RHOQ: variants seen among roughly 807,000 people sequenced by gnomAD.
RHOQ encodes the protein rho-related GTP-binding protein RhoQ.
RHOQ carries 7 observed loss-of-function variants against 25.8 expected under a neutral mutation model. The observed-to-expected ratio is 0.27, with a 90% CI of 0.15 to 0.51. The LOEUF is 0.51. Among genes scored for constraint, RHOQ ranks in the 20% least tolerant of loss-of-function variants. The pLI is 0.97. For synonymous variants in RHOQ, 97 were observed against 98.6 expected, an observed-to-expected ratio of 0.98 and a Z score of 0.10; for missense variants, 165 against 260.6, an observed-to-expected ratio of 0.63 and a Z score of 2.53.
chr2:46,553,638 T>G (rs1350258096), intron 2 of RHOQ, among the ~76,000 whole-genome samples: 2 of 152,228 alleles, frequency 1.3e-5, no homozygotes, highest in East Asian at 3.9e-4. Context: ...TGGAGTGCAG[T>G]GGCACGGTCT....
rs1431537810 is a variant in RHOQ, at chr2:46,569,116, T to C, written c.202-6971T>C. The C allele has an allele frequency of 2.0e-5, 3 of 152,198 alleles. No individual in the cohort carries two copies. Among genetic ancestry groups the C allele is most frequent in the African/African-American group, 7.2e-5 (3 of 41,440 alleles). The allele number at this position is 152,198 out of a possible 1,614,324, so 9.4% of individuals were successfully genotyped here. Reference sequence around the variant, plus strand: ...GAAGAAATAGCACTGGCTCCGAAGTTGTGGTTTGTCTTTTTTTGGAAAGTC... The same window carrying C: ...GAAGAAATAGCACTGGCTCCGAAGTCGTGGTTTGTCTTTTTTTGGAAAGTC... On this transcript the variant is annotated intron_variant, in intron 2 of 4. Coordinates refer to ENST00000238738, the MANE Select transcript of RHOQ (RefSeq NM_012249.4). The surrounding 1 kb of genome is among the most constrained non-coding windows in gnomAD (Gnocchi z 4.1).
At chr2:46,558,866 G>GT (rs1165926916) in intron 2 of RHOQ, among the ~76,000 whole-genome samples, 1 of 152,022 alleles carries the variant, frequency 6.6e-6, no homozygotes, top group African/African-American at 2.4e-5. Flanking sequence ...CTTCTATTCT[G>GT]TTTTTGAAAT....
chr2:46,544,165 G>A (rs1268817224), intron 2 of RHOQ, among the ~76,000 whole-genome samples: 1 of 152,148 alleles, frequency 6.6e-6, no homozygotes, highest in Non-Finnish European at 1.5e-5. Flanking sequence ...CCCCCCCACA[G>A]CCTCTGTCTG....
chr2:46,543,821 C>G lies in RHOQ; in HGVS notation c.201+9C>G, dbSNP rs760994079. ...ATGACACGGCCGGACAGGTGAGTGT[C>G]TTGGCCTCTGGCCGACGCCCCCCTC... is the stretch of plus-strand genomic sequence containing the variant. On this transcript the variant is annotated intron_variant, in intron 2 of 4. Coordinates refer to ENST00000238738, the MANE Select transcript of RHOQ (RefSeq NM_012249.4). 6.2e-7 allele frequency: 1 copy of G among 1,612,342 alleles called. No homozygotes were observed.
At chr2:46,546,321 C>T (rs532223380) in intron 2 of RHOQ, among the ~76,000 whole-genome samples, 2 of 150,868 alleles carry the variant, frequency 1.3e-5, no homozygotes, top group East Asian at 3.9e-4. Flanking sequence ...TCATTAAGAC[C>T]TCAGGCTTCT....
chr2:46,547,445 G>C (rs112685735), intron 2 of RHOQ, among the ~76,000 whole-genome samples: 1 of 152,228 alleles, frequency 6.6e-6, no homozygotes, highest in East Asian at 1.9e-4. Context: ...CAGACAAAGA[G>C]AGAGAATGGG....
Position 46,581,462 on chromosome 2 carries a change from T to A in RHOQ, c.*379T>A. The A allele has an allele frequency of 6.2e-7, 1 of 1,608,484 alleles. No individual in the cohort carries two copies. The highest frequency in any genetic ancestry group is 8.5e-7 in the Non-Finnish European group (1 of 1,177,912). On this transcript the variant is annotated 3_prime_UTR_variant, in exon 5 of 5. Transcript: ENST00000238738. ...CTTACAGAATCTGCACAAAGAAATA[T>A]CTCCCTTTGCTCCAGTTAATTGTTC...
intron 4 of RHOQ, chr2:46,580,664 C>CTGACA: frequency 3.6e-6 from 1 of 281,638 alleles, no homozygotes; most frequent in Admixed American, 5.2e-5. Context: ...GTTCAGTTCA[C>CTGACA]TGACATATCC....
chr2:46,545,073 A>G (rs1257036626), intron 2 of RHOQ, among the ~76,000 whole-genome samples: 1 of 152,190 alleles, frequency 6.6e-6, no homozygotes, highest in Non-Finnish European at 1.5e-5. Context: ...CTGAAGATAG[A>G]GAACTGCTGG....
Position 46,576,440 on chromosome 2 carries a change from A to G in RHOQ, c.367-121A>G. 1 of 913,550 alleles carries G rather than the reference A, an allele frequency of 1.1e-6. No individual in the cohort carries two copies. Among genetic ancestry groups the G allele is most frequent in the South Asian group, 1.8e-5 (1 of 55,178 alleles). 56.6% of individuals were successfully genotyped at this position (913,550 alleles called of 1,614,324 possible). On this transcript the variant is annotated intron_variant, in intron 3 of 4. Transcript: ENST00000238738. The surrounding 1 kb of genome is among the most constrained non-coding windows in gnomAD (Gnocchi z 5.1). ...GAAAGCAATTATTTTCCTGGTTTTT[A>G]AAAATTAAGTTCTTTTGTTTAATCT...
chr2:46,562,947 C>G (rs1214978270), intron 2 of RHOQ, among the ~76,000 whole-genome samples: 4 of 152,192 alleles, frequency 2.6e-5, no homozygotes, highest in African/African-American at 7.2e-5. Context: ...AAAAGGAACA[C>G]TATTCGGTGG....
chr2:46,559,544 A>T (rs1318142695), intron 2 of RHOQ, among the ~76,000 whole-genome samples: 2 of 151,948 alleles, frequency 1.3e-5, no homozygotes, highest in African/African-American at 4.8e-5. Context: ...TGAAGGCTGG[A>T]TTGTTTGTTG....
chr2:46,560,874 C>G (rs1235818152), intron 2 of RHOQ, among the ~76,000 whole-genome samples: 1 of 152,086 alleles, frequency 6.6e-6, no homozygotes, highest in African/African-American at 2.4e-5. Flanking sequence ...TTTGAAGTGT[C>G]TCAGTCATCT....
At chr2:46,553,581 G>A (rs763916106) in intron 2 of RHOQ, among the ~76,000 whole-genome samples, 8 of 151,282 alleles carry the variant, frequency 5.3e-5, no homozygotes, top group African/African-American at 7.3e-5. Flanking sequence ...TGTCTTTTTC[G>A]AACTTTTTTT....
At position 46,566,636 on chromosome 2, in the gene RHOQ, T is replaced by C. The variant is rs1212527598; in HGVS notation, c.202-9451T>C. ...TGACTTTTTTGCGGGGGTCGGGGGC[T>C]CACCTTTTAATGACTTTCCATTGCA... On this transcript the variant is annotated intron_variant, in intron 2 of 4. Coordinates refer to ENST00000238738, the MANE Select transcript of RHOQ (RefSeq NM_012249.4). This position sits in a 1 kb window ranked among gnomAD's most constrained non-coding sequence, Gnocchi z 4.2. Among the ~76,000 whole-genome samples, 1 of 152,164 alleles carries C rather than the reference T, an allele frequency of 6.6e-6. No homozygotes were observed. Among genetic ancestry groups the C allele is most frequent in the Non-Finnish European group, 1.5e-5 (1 of 68,040 alleles).
At chr2:46,563,849 C>G (rs186192569) in intron 2 of RHOQ, among the ~76,000 whole-genome samples, 8 of 152,052 alleles carry the variant, frequency 5.3e-5, no homozygotes, top group African/African-American at 1.9e-4. Flanking sequence ...GACAGGGTCT[C>G]CCTATGTTGC....
At chr2:46,575,983 G>A in intron 2 of RHOQ, 104 bp from the exon 3 acceptor site, 2 of 871,162 alleles carry the variant, frequency 2.3e-6, no homozygotes, top group Non-Finnish European at 3.3e-6. Flanking sequence ...TTCCACTAGT[G>A]GAGTACTCCT....
chr2:46,560,227 T>A (rs752718750), intron 2 of RHOQ, among the ~76,000 whole-genome samples: 2 of 152,220 alleles, frequency 1.3e-5, no homozygotes, highest in Non-Finnish European at 2.9e-5. Flanking sequence ...CGTGGGCCTG[T>A]TAAGTAAGTT....
chr2:46,546,519 CATATATAT>C lies in RHOQ; in HGVS notation c.201+2713_201+2720del, dbSNP rs1404045435. Among the ~76,000 whole-genome samples, 23 of 38,130 alleles carry C rather than the reference CATATATAT, an allele frequency of 6.0e-4. 1 individual carries two copies. The highest frequency in any genetic ancestry group is 1.7e-4 in the Non-Finnish European group (4 of 23,132). The allele number at this position is 38,130 out of a possible 152,430, so 25.0% of individuals were successfully genotyped here. ...ATATATATATATATATATGTATATA[CATATATAT>C]ATATACACAAATCCTTAAGCCTAGT... On this transcript the variant is annotated intron_variant, in intron 2 of 4. Coordinates refer to ENST00000238738, the MANE Select transcript of RHOQ (RefSeq NM_012249.4).
Sources: gnomAD v4.1 joint callset for allele counts (sites outside exome capture counted in the v4.1 genomes callset) on GRCh38, gnomAD v4.1.1 for gene constraint, Gnocchi (gnomAD v3.1) non-coding constraint, MANE v1.5 for transcripts, NCBI Gene and HGNC (gene_info 2026-07-23, HGNC 2026-07-21) for gene names.